Variants in CCHCR1 observed in about 807,000 individuals in gnomAD.
CCHCR1 encodes HCR (a-helix coiled-coil rod homologue).
In CCHCR1, 91 loss-of-function variants were observed where a neutral mutation model predicts 114.6. The observed-to-expected ratio is 0.79, with a 90% CI of 0.67 to 0.94. The LOEUF is 0.94. Ranked by LOEUF, CCHCR1 falls within the 40% of genes least tolerant of loss-of-function variation. The pLI is 0.00. For missense variants in CCHCR1, 899 were observed against 1,079.9 expected (o/e 0.83, Z 2.35); for synonymous variants, 379 against 428.5 (o/e 0.88, Z 1.43).
rs908930266 is a variant in CCHCR1, at chr6:31,150,529, C to A, written c.1138G>T (p.Ala380Ser). 1 of 1,612,242 alleles carries A rather than the reference C, an allele frequency of 6.2e-7. No individual in the cohort carries two copies. The highest frequency in any genetic ancestry group is 1.7e-5 in the Admixed American group (1 of 59,944). The part of the protein sequence containing the change: ...QEDRDSLHAT[A>S]ELLQVRVQSL... Reference sequence around the variant, plus strand: ...TGCACCCGCACCTGCAGCAGCTCCGCGGTGGCATGCAGGCTGTCCCGGTCC... The same window carrying A: ...TGCACCCGCACCTGCAGCAGCTCCGAGGTGGCATGCAGGCTGTCCCGGTCC... Residue 380 changes from alanine to serine, a missense_variant, in exon 7 of 18, where the codon GCG becomes TCG. Physicochemically the swap from Ala to Ser is moderately conservative, Grantham distance 99. Coordinates refer to ENST00000396268, the MANE Select transcript of CCHCR1 (RefSeq NM_001105564.2). This position sits in a 1 kb window ranked among gnomAD's most constrained non-coding sequence, Gnocchi z 5.3.
intron 3 of CCHCR1, among the ~76,000 whole-genome samples, chr6:31,155,143 G>T (rs1023924018): frequency 2.0e-5 from 3 of 151,974 alleles, no homozygotes; most frequent in African/African-American, 7.3e-5. Context: ...TGGTTTTTTT[G>T]TCTTATTTAT....
At chr6:31,156,664 A>G in intron 3 of CCHCR1, 67 bp downstream of exon 3, 1 of 1,341,102 alleles carries the variant, frequency 7.5e-7, no homozygotes, top group Non-Finnish European at 1.0e-6. Flanking sequence ...TAGGGTAAGG[A>G]GTTTATTCCA....
At position 31,143,154 on chromosome 6, in the gene CCHCR1, A is replaced by T; in HGVS notation, c.2320-20T>A. The T allele has an allele frequency of 1.9e-6, 3 of 1,612,084 alleles. No individual in the cohort carries two copies. The highest frequency in any genetic ancestry group is 2.5e-6 in the Non-Finnish European group (3 of 1,179,550). On this transcript the variant is annotated intron_variant, in intron 16 of 17. Coordinates refer to ENST00000396268, the MANE Select transcript of CCHCR1 (RefSeq NM_001105564.2). This position sits in a 1 kb window ranked among gnomAD's most constrained non-coding sequence, Gnocchi z 5.3. ...GGTGGCCTGGGAAGGAGAGGGTTAA[A>T]CCTAGCCCGGATAGAGCCTCCCTCA...
chr6:31,142,964 T>G lies in CCHCR1; in HGVS notation c.2490A>C (p.Lys830Asn), dbSNP rs2150987707. The change falls in exon 17 of 18, where the codon AAA becomes AAC. Residue 830 changes from lysine (K) to asparagine (N), a missense_variant and splice_region_variant. Transcript: ENST00000396268. ...GTCCCTTTGTGCTTGGCCCAAGACC[T>G]TTTATGGACTCCCTGGTGGGCACTG... ...AAAVPTRESI[K>N]GSLSVLLDDL... 1.2e-6 allele frequency: 2 copies of G among 1,612,074 alleles called. No homozygotes were observed. Among genetic ancestry groups the G allele is most frequent in the Non-Finnish European group, 1.7e-6 (2 of 1,179,682 alleles).
chr6:31,148,330 G>T, intron 10 of CCHCR1, 75 bp downstream of exon 10: 2 of 913,670 alleles, frequency 2.2e-6, no homozygotes, highest in South Asian at 1.5e-5. Flanking sequence ...CTTGCCTGAG[G>T]ATCCTCAGCA....
intron 17 of CCHCR1, 52 bp from the exon 18 acceptor site, chr6:31,142,768 T>C: frequency 1.9e-6 from 3 of 1,585,674 alleles, no homozygotes; most frequent in Non-Finnish European, 2.6e-6. Flanking sequence ...TGCTCGTGGT[T>C]ACAGAGGAAA....
chr6:31,145,183 C>T lies in CCHCR1; in HGVS notation c.1859G>A (p.Gly620Asp). The part of the protein sequence containing the change: ...LSARLIQQEV[G>D]RAREQGEAER... The stretch of plus-strand genomic sequence containing the variant: ...AGGTGTACCTTGCTCCCGAGCCCGG[C>T]CCACCTCCTGCTGGATGAGGCGGGC... Residue 620 changes from glycine (G) to aspartate (D), a missense_variant, in exon 13 of 18, where the codon GGC becomes GAC. By Grantham distance (94) the Gly-to-Asp change is moderately conservative (BLOSUM62 -1). Coordinates refer to ENST00000396268, the MANE Select transcript of CCHCR1 (RefSeq NM_001105564.2). The T allele has an allele frequency of 6.2e-7, 1 of 1,612,900 alleles. No homozygotes were observed. Among genetic ancestry groups the T allele is most frequent in the Non-Finnish European group, 8.5e-7 (1 of 1,180,000 alleles).
At chr6:31,153,417 G>A (rs1775534859) in intron 4 of CCHCR1, among the ~76,000 whole-genome samples, 1 of 151,822 alleles carries the variant, frequency 6.6e-6, no homozygotes, top group Admixed American at 6.6e-5. Context: ...TATAAATATA[G>A]CTTTTTTTTT....
rs747830624 is a variant in CCHCR1, at chr6:31,148,472, G to A, written c.1513C>T (p.Arg505Cys). Residue 505 changes from arginine (R) to cysteine (C), a missense_variant, in exon 10 of 18, where the codon CGT becomes TGT. Physicochemically the swap from Arg to Cys is radical, Grantham distance 180. Coordinates refer to ENST00000396268, the MANE Select transcript of CCHCR1 (RefSeq NM_001105564.2). ...GAGGCTGTCTGCTGCTGCCACCGAC[G>A]CCTGGCCTCCTGAGCACGGCTCAGC... The part of the protein sequence containing the change: ...LELSRAQEAR[R>C]RWQQQTASAE... 5.6e-6 allele frequency: 9 copies of A among 1,612,710 alleles called. No individual in the cohort carries two copies. Among genetic ancestry groups the A allele is most frequent in the Non-Finnish European group, 7.6e-6 (9 of 1,179,802 alleles).
At chr6:31,147,399 CAA>C (rs9278998) in intron 10 of CCHCR1, among the ~76,000 whole-genome samples, 10,265 of 125,142 alleles carry the variant, frequency 0.082, 239 homozygotes, top group African/African-American at 0.11. Context: ...GACTCTGTCT[CAA>C]AAAAAAAAAA....
intron 10 of CCHCR1, among the ~76,000 whole-genome samples, chr6:31,146,393 G>A (rs1339892706): frequency 1.3e-5 from 2 of 152,126 alleles, no homozygotes; most frequent in Non-Finnish European, 2.9e-5. Context: ...CAGGAGTGTC[G>A]ATCTAGCACC....
chr6:31,148,838 C>CGGGGGGGGGG, intron 8 of CCHCR1, 110 bp from the exon 9 acceptor site: 2 of 4,946 alleles, frequency 4.0e-4, no homozygotes, highest in Non-Finnish European at 8.0e-4. Flanking sequence ...CATGCAGGGG[C>CGGGGGGGGGG]TGGGGGGAGG....
At chr6:31,155,376 G>A (rs1775843038) in intron 3 of CCHCR1, among the ~76,000 whole-genome samples, 1 of 151,878 alleles carries the variant, frequency 6.6e-6, no homozygotes, top group South Asian at 2.1e-4. Context: ...AGGCCGAGGC[G>A]GGCGGATCAC....
In CCHCR1 at chr6:31,142,636, T is replaced by C. The variant is rs1219141176; in HGVS notation, c.2572A>G (p.Asn858Asp). The C allele has an allele frequency of 2.5e-6, 4 of 1,613,186 alleles. No homozygotes were observed. The highest frequency in any genetic ancestry group is 2.7e-5 in the African/African-American group (2 of 74,932). The change falls in exon 18 of 18, where the codon AAC becomes GAC. Residue 858 changes from asparagine to aspartate, a missense_variant. Transcript: ENST00000396268. ...TTGGAGCTGGAGCATCTGTCAAGGT[T>C]GTCTCCTTGACAAACAGCTTCCTCT... ...SKEEAVCQGD[N>D]LDRCSSSNPQ...
rs1317827727 is a variant in CCHCR1, at chr6:31,144,335, C to G, written c.2167+352G>C. On this transcript the variant is annotated intron_variant, in intron 15 of 17. Transcript: ENST00000396268. The surrounding 1 kb of genome is among the most constrained non-coding windows in gnomAD (Gnocchi z 4.6). ...CAGCCTCACAAGTAAGCTTGGGGTACAGGTGCCCACCACCAGGCCTAGCTA... is the reference window on the plus strand; with the variant it reads ...CAGCCTCACAAGTAAGCTTGGGGTAGAGGTGCCCACCACCAGGCCTAGCTA... 1.3e-5 allele frequency among the ~76,000 whole-genome samples: 2 copies of G among 152,074 alleles called. No individual in the cohort carries two copies. Among genetic ancestry groups the G allele is most frequent in the Non-Finnish European group, 2.9e-5 (2 of 68,018 alleles).
In CCHCR1 at chr6:31,154,460, G is replaced by A. The variant is rs548688222; in HGVS notation, c.801+36C>T. 19 of 1,553,598 alleles carry A rather than the reference G, an allele frequency of 1.2e-5. No homozygotes were observed. The highest frequency in any genetic ancestry group is 1.0e-4 in the South Asian group (9 of 88,290). On this transcript the variant is annotated intron_variant, in intron 4 of 17. Transcript: ENST00000396268. The surrounding 1 kb of genome is among the most constrained non-coding windows in gnomAD (Gnocchi z 4.1). ...CTTGGAAGCTACTGCCCAGCTCTCC[G>A]TTATGAATTTGAATCCTTTCTACCC...
Position 31,145,113 on chromosome 6 carries a change from C to CCT in CCHCR1, c.1877-42_1877-41dup, listed in dbSNP as rs752381617. The CCT allele has an allele frequency of 4.9e-5, 78 of 1,604,888 alleles. No individual in the cohort carries two copies. The African/African-American group carries it at 9.1e-4, about 19-fold the overall frequency. On this transcript the variant is annotated intron_variant, in intron 13 of 17. Coordinates refer to ENST00000396268, the MANE Select transcript of CCHCR1 (RefSeq NM_001105564.2). The stretch of plus-strand genomic sequence containing the variant: ...TGCTGGGTCAGGCCTCTCCCAGCAC[C>CCT]CTAGACACCGGGTTTTTCCTCATCC...
chr6:31,149,759 T>G, intron 8 of CCHCR1: 3 of 319,040 alleles, frequency 9.4e-6, no homozygotes, highest in East Asian at 6.0e-5. Flanking sequence ...TCCCATCACT[T>G]TGGGAGGCTG....
At chr6:31,148,591 C>T (rs894800098) in intron 9 of CCHCR1, 27 bp downstream of exon 9, 3 of 1,600,968 alleles carry the variant, frequency 1.9e-6, no homozygotes, top group Admixed American at 3.3e-5. Flanking sequence ...CTTGCCCTCC[C>T]CGAGTCTCTA....
Sources: allele counts gnomAD v4.1 joint callset (sites outside exome capture counted in the v4.1 genomes callset), GRCh38; gene constraint gnomAD v4.1.1; non-coding constraint Gnocchi (gnomAD v3.1); transcripts MANE v1.5; gene names NCBI Gene and HGNC (gene_info 2026-07-23, HGNC 2026-07-21).